Variants in GRID2 observed in about 807,000 individuals in gnomAD.
The protein encoded by GRID2 is glutamate ionotropic receptor delta type subunit 2, also known as glutamate receptor ionotropic, delta-2.
In GRID2, 33 loss-of-function variants were observed where a neutral mutation model predicts 114.8. That is an observed-to-expected ratio of 0.29 (90% CI 0.22 to 0.38). The LOEUF (loss-of-function observed/expected upper bound fraction) is 0.38. Among genes scored for constraint, GRID2 ranks in the 10% least tolerant of loss-of-function variants. GRID2 has a pLI of 1.00. For synonymous variants in GRID2, 505 were observed against 449.9 expected (o/e 1.12, Z -1.55); for missense variants, 1,184 against 1,257.7 (o/e 0.94, Z 0.89).
chr4:92,981,487 A>G (rs1754209050), intron 2 of GRID2, among the ~76,000 whole-genome samples: 2 of 152,058 alleles, frequency 1.3e-5, no homozygotes, highest in Non-Finnish European at 2.9e-5. Flanking sequence ...GAAAGCATCA[A>G]TAGTTCAAAA....
At chr4:93,273,805 A>G (rs1229094160) in intron 8 of GRID2, among the ~76,000 whole-genome samples, 2 of 152,198 alleles carry the variant, frequency 1.3e-5, no homozygotes, top group East Asian at 1.9e-4. Context: ...AGCTAGCAAG[A>G]TAACAAAAAC....
At chr4:93,778,181 G>T (rs1734403193), downstream of GRID2, among the ~76,000 whole-genome samples, 1 of 151,878 alleles carries the variant, frequency 6.6e-6, no homozygotes, top group South Asian at 2.1e-4. Flanking sequence ...TGGAGGCAAG[G>T]GTATCAGTAT....
At chr4:93,611,011 A>G (rs1740830241) in intron 13 of GRID2, among the ~76,000 whole-genome samples, 1 of 130,826 alleles carries the variant, frequency 7.6e-6, no homozygotes, top group Non-Finnish European at 1.6e-5. Context: ...TGGTCTATTC[A>G]GAGATTCAAC....
intron 2 of GRID2, among the ~76,000 whole-genome samples, chr4:92,701,844 T>C (rs994469792): frequency 2.6e-5 from 4 of 152,162 alleles, no homozygotes; most frequent in African/African-American, 9.7e-5. Context: ...TTAAAATTTT[T>C]GGTTAGGGCG....
intron 2 of GRID2, among the ~76,000 whole-genome samples, chr4:92,951,405 G>A (rs191191064): frequency 1.3e-5 from 2 of 151,904 alleles, no homozygotes; most frequent in Non-Finnish European, 2.9e-5. Flanking sequence ...AGGCTGTGCA[G>A]TGGCGCAGTC....
chr4:93,809,799 T>TAA (rs978429125), exon 2 of GRID2: 2 of 152,148 alleles, frequency 1.3e-5, no homozygotes, highest in African/African-American at 4.8e-5. Context: ...GCTATAATAT[T>TAA]AAAAGTTAAT....
intron 2 of GRID2, among the ~76,000 whole-genome samples, chr4:92,979,997 G>C (rs923526925): frequency 6.6e-6 from 1 of 152,086 alleles, no homozygotes; most frequent in Non-Finnish European, 1.5e-5. Flanking sequence ...ATTTTGTCTA[G>C]CAGGAGTCTT....
At chr4:92,314,599 C>G (rs1725873360) in intron 1 of GRID2, among the ~76,000 whole-genome samples, 1 of 152,028 alleles carries the variant, frequency 6.6e-6, no homozygotes, top group East Asian at 1.9e-4. Context: ...CATCATAACA[C>G]AAATAGAAAA....
intron 9 of GRID2, among the ~76,000 whole-genome samples, chr4:93,421,616 T>G (rs1768293516): frequency 6.6e-6 from 1 of 152,164 alleles, no homozygotes; most frequent in African/African-American, 2.4e-5. Flanking sequence ...GGTTACATTG[T>G]TTTTTATCAT....
intron 2 of GRID2, among the ~76,000 whole-genome samples, chr4:92,672,878 A>C (rs1225614798): frequency 3.9e-5 from 6 of 152,120 alleles, no homozygotes; most frequent in Non-Finnish European, 8.8e-5. Flanking sequence ...AATAATATTA[A>C]CTATAGTCAT....
chr4:92,830,871 T>G (rs978386992), intron 2 of GRID2, among the ~76,000 whole-genome samples: 1 of 152,204 alleles, frequency 6.6e-6, no homozygotes, highest in Non-Finnish European at 1.5e-5. Flanking sequence ...ATTCATTGTG[T>G]AGTTACAGAA....
rs777450115 is a variant in GRID2, at chr4:93,151,073, A to G, written c.735+40120A>G. 7.6e-4 allele frequency among the ~76,000 whole-genome samples: 113 copies of G among 149,414 alleles called. 1 individual carries two copies. The highest frequency in any genetic ancestry group is 1.3e-3 in the Admixed American group (19 of 14,642). ...TGGGATGCGGAGGTTACAGTAAGCC[A>G]AGATTGAGCCACTGCACTCTAGCCT... On this transcript the variant is annotated intron_variant, in intron 4 of 15. Transcript: ENST00000282020.
intron 8 of GRID2, 95 bp downstream of exon 8, chr4:93,238,585 C>G (rs553638641): frequency 2.1e-6 from 2 of 953,442 alleles, no homozygotes; most frequent in Admixed American, 2.4e-5. Context: ...CCATTAAAGT[C>G]AATATTGTAG....
intron 11 of GRID2, among the ~76,000 whole-genome samples, chr4:93,482,609 G>T (rs1364318774): frequency 1.3e-5 from 2 of 151,690 alleles, no homozygotes; most frequent in African/African-American, 2.4e-5. Context: ...CTAAATGACG[G>T]GTTGATGTTT....
At chr4:93,078,105 A>G (rs1729497465) in intron 2 of GRID2, among the ~76,000 whole-genome samples, 1 of 152,062 alleles carries the variant, frequency 6.6e-6, no homozygotes, top group Non-Finnish European at 1.5e-5. Flanking sequence ...CACTCCAGCC[A>G]CTTGGCTCCT....
chr4:92,415,825 T>C (rs1473220372), intron 1 of GRID2, among the ~76,000 whole-genome samples: 1 of 145,654 alleles, frequency 6.9e-6, no homozygotes, highest in Non-Finnish European at 1.5e-5. Flanking sequence ...CATAGTCTGG[T>C]TTCATATCTT....
chr4:93,468,030 A>G (rs905932607), intron 11 of GRID2, among the ~76,000 whole-genome samples: 2 of 152,172 alleles, frequency 1.3e-5, no homozygotes, highest in Non-Finnish European at 2.9e-5. Flanking sequence ...ATATTGCATC[A>G]TTTCTTCTAA....
intron 1 of GRID2, among the ~76,000 whole-genome samples, chr4:92,547,843 G>C (rs959206813): frequency 1.3e-5 from 2 of 151,686 alleles, no homozygotes; most frequent in Non-Finnish European, 2.9e-5. Flanking sequence ...AATAATTCTA[G>C]GTTCTACAAA....
At chr4:93,364,025 A>G (rs924204981) in intron 8 of GRID2, among the ~76,000 whole-genome samples, 2 of 151,992 alleles carry the variant, frequency 1.3e-5, no homozygotes, top group Admixed American at 6.6e-5. Context: ...AAATATATAT[A>G]TGTGTGTTGT....
Sources: allele counts gnomAD v4.1 joint callset (sites outside exome capture counted in the v4.1 genomes callset), GRCh38; gene constraint gnomAD v4.1.1; transcripts MANE v1.5; gene names NCBI Gene and HGNC (gene_info 2026-07-23, HGNC 2026-07-21).